The following SKI variants were observed in gnomAD, a reference collection of about 807,000 sequenced individuals.
The protein encoded by SKI is SKI proto-oncogene.
SKI carries 23 observed loss-of-function variants against 59.3 expected under a neutral mutation model. That is an observed-to-expected ratio of 0.39 (90% CI 0.28 to 0.55). The LOEUF (loss-of-function observed/expected upper bound fraction) is 0.55, where lower values mean the gene tolerates loss of function less well. SKI is among the 20% of genes least tolerant of loss of function. The pLI is 0.67. For synonymous variants in SKI, 673 were observed against 488.6 expected (o/e 1.38, Z -4.98); for missense variants, 1,017 against 1,038.9 (o/e 0.98, Z 0.29).
chr1:2,252,500 G>A (rs1471753437), intron 1 of SKI, among the ~76,000 whole-genome samples: 2 of 152,194 alleles, frequency 1.3e-5, no homozygotes, highest in Non-Finnish European at 2.9e-5. Context: ...GAAGGCTTTC[G>A]TCCGTCTGAG....
At chr1:2,295,228 C>T (rs887366623) in intron 1 of SKI, among the ~76,000 whole-genome samples, 1 of 152,222 alleles carries the variant, frequency 6.6e-6, no homozygotes, top group African/African-American at 2.4e-5. Context: ...GGAGCTGCCC[C>T]TGCATGTCAT....
In SKI at chr1:2,307,970, A is replaced by G. The variant is rs1430088669; in HGVS notation, c.*1205A>G. ...TGACTCGTGTCTTTTTACCCCCAAG[A>G]TATCTGTCTTCAGTAGCGACTGAAT... On this transcript the variant is annotated 3_prime_UTR_variant, in exon 7 of 7. Coordinates refer to ENST00000378536, the MANE Select transcript of SKI (RefSeq NM_003036.4). 6.6e-6 allele frequency: 1 copy of G among 152,430 alleles called. No individual in the cohort carries two copies. Among genetic ancestry groups the G allele is most frequent in the African/African-American group, 2.4e-5 (1 of 41,420 alleles). 9.4% of individuals were successfully genotyped at this position (152,430 alleles called of 1,614,324 possible).
At chr1:2,250,846 C>T (rs997684109) in intron 1 of SKI, among the ~76,000 whole-genome samples, 13 of 152,262 alleles carry the variant, frequency 8.5e-5, no homozygotes, top group Admixed American at 2.0e-4. Flanking sequence ...GCTGGCTGCG[C>T]GTTGGCAGGG....
At chr1:2,243,746 C>T (rs140407149) in intron 1 of SKI, among the ~76,000 whole-genome samples, 9 of 152,176 alleles carry the variant, frequency 5.9e-5, no homozygotes, top group African/African-American at 1.9e-4. Flanking sequence ...TTCTTGTAGA[C>T]GTGGCAGGTC....
intron 1 of SKI, among the ~76,000 whole-genome samples, chr1:2,249,412 C>A (rs1297059063): frequency 1.3e-5 from 2 of 152,242 alleles, no homozygotes; most frequent in African/African-American, 4.8e-5. Context: ...CTCAGTTCAG[C>A]CTTCAGTGCC....
At position 2,304,050 on chromosome 1, in the gene SKI, A is replaced by G. The variant is rs772286488; in HGVS notation, c.1422A>G (p.Pro474=). 1.9e-6 allele frequency: 3 copies of G among 1,612,524 alleles called. No homozygotes were observed. Among genetic ancestry groups the G allele is most frequent in the Non-Finnish European group, 1.7e-6 (2 of 1,179,868 alleles). Residue 474 remains proline (P), a synonymous_variant, in exon 4 of 7, where the codon CCA becomes CCG. Coordinates refer to ENST00000378536, the MANE Select transcript of SKI (RefSeq NM_003036.4). The stretch of plus-strand genomic sequence containing the variant: ...AGACGCTGGCGCCCGTGGCTGCCCC[A>G]GAGGAGGACAAGGACTCGGAGGCGG... The part of the protein sequence containing the change: ...APETLAPVAA[P]EEDKDSEAEV...
Position 2,303,685 on chromosome 1 carries a change from C to T in SKI, c.1212-155C>T. ...CAAGAGACCCAGCAAGCAGAAAACGCTTACGGGTTCTTAGGGAACTGTAAG... is the reference window on the plus strand; with the variant it reads ...CAAGAGACCCAGCAAGCAGAAAACGTTTACGGGTTCTTAGGGAACTGTAAG... On this transcript the variant is annotated intron_variant, in intron 3 of 6. Coordinates refer to ENST00000378536, the MANE Select transcript of SKI (RefSeq NM_003036.4). This position sits in a 1 kb window ranked among gnomAD's most constrained non-coding sequence, Gnocchi z 5.6. 3.7e-6 allele frequency: 4 copies of T among 1,084,740 alleles called. No individual in the cohort carries two copies. Among genetic ancestry groups the T allele is most frequent in the Admixed American group, 2.2e-5 (1 of 46,380 alleles). The allele number at this position is 1,084,740 out of a possible 1,614,324, so 67.2% of individuals were successfully genotyped here.
rs576318873 is a variant in SKI, at chr1:2,272,616, C to T, written c.970-30362C>T. On this transcript the variant is annotated intron_variant, in intron 1 of 6. Coordinates refer to ENST00000378536, the MANE Select transcript of SKI (RefSeq NM_003036.4). ...GAGGGTGAACTGGTTCCTATTTTTGCATTGTAATTGATTGCCAAGAACCCC... is the reference window on the plus strand; with the variant it reads ...GAGGGTGAACTGGTTCCTATTTTTGTATTGTAATTGATTGCCAAGAACCCC... Among the ~76,000 whole-genome samples, 5 of 152,340 alleles carry T rather than the reference C, an allele frequency of 3.3e-5. No individual in the cohort carries two copies. In the South Asian group the frequency reaches 1.0e-3, roughly 32 times the overall value.
intron 1 of SKI, among the ~76,000 whole-genome samples, chr1:2,293,996 T>C (rs1237376238): frequency 6.6e-6 from 1 of 152,210 alleles, no homozygotes; most frequent in Non-Finnish European, 1.5e-5. Flanking sequence ...ATCTGTGGCC[T>C]CGGAGGCTCC....
intron 1 of SKI, among the ~76,000 whole-genome samples, chr1:2,233,189 G>T (rs1222722796): frequency 6.6e-6 from 1 of 150,926 alleles, no homozygotes; most frequent in Non-Finnish European, 1.5e-5. Context: ...TCCAAGGGGG[G>T]GTCCTGCTCC....
At chr1:2,233,884 C>T (rs1557810294) in intron 1 of SKI, among the ~76,000 whole-genome samples, 1 of 152,192 alleles carries the variant, frequency 6.6e-6, no homozygotes, top group Non-Finnish European at 1.5e-5. Flanking sequence ...CTCAGCTCAG[C>T]GGCCGTGTGT....
chr1:2,262,193 G>A (rs1277038522), intron 1 of SKI, among the ~76,000 whole-genome samples: 2 of 137,786 alleles, frequency 1.5e-5, no homozygotes, highest in African/African-American at 5.5e-5. Flanking sequence ...TGATCTCCTA[G>A]TCTGGAAGGC....
In SKI at chr1:2,231,183, C is replaced by T. The variant is rs749270245; in HGVS notation, c.969+1448C>T. On this transcript the variant is annotated intron_variant, in intron 1 of 6. Transcript: ENST00000378536. Reference sequence around the variant, plus strand: ...GCTGGGGCCTTTCTTTTTGGGGTGGCCGCACCCTCGTCAGTGCCTGTGGCT... The same window carrying T: ...GCTGGGGCCTTTCTTTTTGGGGTGGTCGCACCCTCGTCAGTGCCTGTGGCT... Among the ~76,000 whole-genome samples the T allele has an allele frequency of 7.2e-4, 110 of 152,190 alleles. 1 individual carries two copies. The highest frequency in any genetic ancestry group is 1.5e-4 in the Non-Finnish European group (10 of 68,024).
At chr1:2,275,714 G>T (rs1266335045) in intron 1 of SKI, among the ~76,000 whole-genome samples, 1 of 152,130 alleles carries the variant, frequency 6.6e-6, no homozygotes, top group African/African-American at 2.4e-5. Flanking sequence ...GGGTTTCACC[G>T]TGTTAGCCAG....
chr1:2,265,056 C>A (rs1421258078), intron 1 of SKI, among the ~76,000 whole-genome samples: 1 of 152,226 alleles, frequency 6.6e-6, no homozygotes, highest in Admixed American at 6.5e-5. Context: ...AGGTGATCCA[C>A]CTGCCTTGGC....
rs1318365424 is a variant in SKI at position 2,309,967 on chromosome 1, ATC to A, written c.*3206_*3207del. The A allele has an allele frequency of 7.3e-6, 1 of 137,564 alleles. No homozygotes were observed. The highest frequency in any genetic ancestry group is 1.5e-5 in the Non-Finnish European group (1 of 64,746). The allele number at this position is 137,564 out of a possible 1,614,324, so 8.5% of individuals were successfully genotyped here. The stretch of plus-strand genomic sequence containing the variant: ...TTTTTTCAATTAAGGAAAAAGCTCC[ATC>A]TCTACCTTTAACATCACCCAGACCC... On this transcript the variant is annotated 3_prime_UTR_variant, in exon 7 of 7. Transcript: ENST00000378536.
intron 1 of SKI, among the ~76,000 whole-genome samples, chr1:2,250,681 T>C (rs1385964125): frequency 6.6e-6 from 1 of 152,234 alleles, no homozygotes; most frequent in African/African-American, 2.4e-5. Context: ...GGATGTGGTG[T>C]GTGACCGTGA....
chr1:2,278,476 C>T (rs1639796631), intron 1 of SKI, among the ~76,000 whole-genome samples: 1 of 152,208 alleles, frequency 6.6e-6, no homozygotes, highest in South Asian at 2.1e-4. Context: ...CTTCACCCTC[C>T]ACAGTCAGGG....
intron 5 of SKI, 128 bp from the exon 6 acceptor site, chr1:2,305,892 T>TG: frequency 1.3e-6 from 1 of 787,270 alleles, no homozygotes; most frequent in Non-Finnish European, 2.2e-6. Flanking sequence ...GATGGCGCGC[T>TG]GGGGGCGGGG....
Sources: allele counts gnomAD v4.1 joint callset (sites outside exome capture counted in the v4.1 genomes callset), GRCh38; gene constraint gnomAD v4.1.1; non-coding constraint Gnocchi (gnomAD v3.1); transcripts MANE v1.5; gene names NCBI Gene and HGNC (gene_info 2026-07-23, HGNC 2026-07-21).